Variants in ARHGAP10 observed in about 807,000 individuals in gnomAD.
ARHGAP10 encodes rho GTPase-activating protein 10.
A neutral mutation model predicts 108.6 loss-of-function variants in ARHGAP10; 87 were observed. That is an observed-to-expected ratio of 0.80 (90% CI 0.67 to 0.96). The LOEUF is 0.96. ARHGAP10 is among the 40% of genes least tolerant of loss of function. The pLI is 0.00. For synonymous variants in ARHGAP10, 347 were observed against 341.1 expected (o/e 1.02, Z -0.19); for missense variants, 939 against 954.5 (o/e 0.98, Z 0.21).
At chr4:147,763,474 G>T (rs1729668914) in intron 1 of ARHGAP10, among the ~76,000 whole-genome samples, 2 of 152,016 alleles carry the variant, frequency 1.3e-5, no homozygotes, top group Admixed American at 1.3e-4. Flanking sequence ...ACCATACCCA[G>T]CTAATTTTTG....
chr4:148,006,042 C>G (rs181574567), intron 18 of ARHGAP10, among the ~76,000 whole-genome samples: 1 of 152,174 alleles, frequency 6.6e-6, no homozygotes, highest in Non-Finnish European at 1.5e-5. Context: ...GAGTAGAACT[C>G]GAGACTGTTT....
chr4:147,768,557 C>T (rs1414688577), intron 1 of ARHGAP10, among the ~76,000 whole-genome samples: 7 of 151,676 alleles, frequency 4.6e-5, no homozygotes, highest in African/African-American at 9.7e-5. Context: ...ACTAAATTTT[C>T]TCTGAAGCCA....
chr4:147,893,424 T>C (rs1735865824), intron 10 of ARHGAP10, among the ~76,000 whole-genome samples: 2 of 148,260 alleles, frequency 1.3e-5, no homozygotes, highest in Admixed American at 6.8e-5. Flanking sequence ...TATTGAAATA[T>C]ATATATTTCA....
At chr4:147,808,266 G>A (rs1249679108) in intron 1 of ARHGAP10, among the ~76,000 whole-genome samples, 1 of 151,920 alleles carries the variant, frequency 6.6e-6, no homozygotes, top group Non-Finnish European at 1.5e-5. Flanking sequence ...TGAGAGAAGT[G>A]CATTCTAGGA....
At position 147,990,859 on chromosome 4, in the gene ARHGAP10, C is replaced by T. The variant is rs115720924; in HGVS notation, c.1716+24020C>T. ...GTGAAACCCTGTCTCTACAAAAATACAGAAAAACGGGCCTGGTGTTGTGGT... is the reference window on the plus strand; with the variant it reads ...GTGAAACCCTGTCTCTACAAAAATATAGAAAAACGGGCCTGGTGTTGTGGT... On this transcript the variant is annotated intron_variant, in intron 18 of 22. Coordinates refer to ENST00000336498, the MANE Select transcript of ARHGAP10 (RefSeq NM_024605.4). Among the ~76,000 whole-genome samples, 468 of 152,034 alleles carry T rather than the reference C, an allele frequency of 3.1e-3. 1 individual carries two copies. The highest frequency in any genetic ancestry group is 0.01 in the African/African-American group (435 of 41,484).
chr4:147,994,139 AAAAC>A (rs769800185), intron 18 of ARHGAP10, among the ~76,000 whole-genome samples: 4 of 152,238 alleles, frequency 2.6e-5, no homozygotes, highest in Non-Finnish European at 5.9e-5. Flanking sequence ...TGTCCCAAGA[AAAAC>A]AAGGCTGTAT....
intron 18 of ARHGAP10, among the ~76,000 whole-genome samples, chr4:147,978,560 C>T (rs1016764639): frequency 6.6e-6 from 1 of 152,082 alleles, no homozygotes; most frequent in Admixed American, 6.6e-5. Context: ...GGCACTTCCC[C>T]CCTTGCTTGC....
chr4:147,781,037 G>T (rs1316290880), intron 1 of ARHGAP10, among the ~76,000 whole-genome samples: 1 of 152,126 alleles, frequency 6.6e-6, no homozygotes, highest in East Asian at 1.9e-4. Context: ...TATAGATTTA[G>T]GGAGTAACTG....
At chr4:147,876,372 C>T (rs1735057474) in intron 8 of ARHGAP10, among the ~76,000 whole-genome samples, 1 of 152,164 alleles carries the variant, frequency 6.6e-6, no homozygotes, top group African/African-American at 2.4e-5. Flanking sequence ...GTGGGCAGAT[C>T]ACGAGGTCAG....
intron 10 of ARHGAP10, among the ~76,000 whole-genome samples, chr4:147,906,267 A>G (rs1397903418): frequency 6.6e-6 from 1 of 152,232 alleles, no homozygotes; most frequent in Non-Finnish European, 1.5e-5. Flanking sequence ...ACAACAGGCA[A>G]AAAGGTGGAA....
intron 7 of ARHGAP10, among the ~76,000 whole-genome samples, chr4:147,871,590 A>G (rs1734824839): frequency 6.6e-6 from 1 of 152,242 alleles, no homozygotes; most frequent in African/African-American, 2.4e-5. Flanking sequence ...GAAAGATAGC[A>G]TTAGACAGTG....
At chr4:147,965,658 C>G (rs1739177398) in intron 17 of ARHGAP10, among the ~76,000 whole-genome samples, 2 of 152,124 alleles carry the variant, frequency 1.3e-5, no homozygotes, top group African/African-American at 4.8e-5. Flanking sequence ...TAGAACCTTT[C>G]TTTTACATAT....
Position 148,008,518 on chromosome 4 carries a change from G to A in ARHGAP10, c.1717-14745G>A, listed in dbSNP as rs140993287. Among the ~76,000 whole-genome samples the A allele has an allele frequency of 7.0e-3, 1,056 of 151,388 alleles. 16 individuals carry two copies. The highest frequency in any genetic ancestry group is 0.024 in the African/African-American group (985 of 41,174). On this transcript the variant is annotated intron_variant, in intron 18 of 22. Coordinates refer to ENST00000336498, the MANE Select transcript of ARHGAP10 (RefSeq NM_024605.4). ...ATGTATCTAGTAGGTAGAGGCCGGG[G>A]TGATGTTGAACATCTTACAGTGCAC...
intron 1 of ARHGAP10, among the ~76,000 whole-genome samples, chr4:147,759,009 A>AT (rs944856213): frequency 6.7e-6 from 1 of 149,618 alleles, no homozygotes; most frequent in Non-Finnish European, 1.5e-5. Flanking sequence ...CAGGTGGTAT[A>AT]TTTTTTATGC....
At chr4:147,870,394 T>C (rs1734767742) in intron 7 of ARHGAP10, among the ~76,000 whole-genome samples, 1 of 152,178 alleles carries the variant, frequency 6.6e-6, no homozygotes, top group African/African-American at 2.4e-5. Flanking sequence ...TAATCAAATG[T>C]TAACTGCCTC....
intron 1 of ARHGAP10, among the ~76,000 whole-genome samples, chr4:147,761,422 T>C (rs1437258027): frequency 6.6e-6 from 1 of 152,238 alleles, no homozygotes; most frequent in Non-Finnish European, 1.5e-5. Flanking sequence ...GTTCTGTGTA[T>C]GTTTCACATT....
At chr4:148,070,828 G>A (rs1375772759) in intron 22 of ARHGAP10, among the ~76,000 whole-genome samples, 1 of 152,162 alleles carries the variant, frequency 6.6e-6, no homozygotes, top group Non-Finnish European at 1.5e-5. Context: ...TGCCACGCCT[G>A]CACCTGACCA....
At chr4:148,070,053 T>C (rs1395060080) in intron 22 of ARHGAP10, among the ~76,000 whole-genome samples, 1 of 152,240 alleles carries the variant, frequency 6.6e-6, no homozygotes, top group East Asian at 1.9e-4. Flanking sequence ...ACTCAGTCAT[T>C]ACACAGATAA....
At chr4:147,856,537 C>T (rs1560793043) in intron 4 of ARHGAP10, among the ~76,000 whole-genome samples, 1 of 152,176 alleles carries the variant, frequency 6.6e-6, no homozygotes, top group Admixed American at 6.5e-5. Flanking sequence ...GTTCAGTGTA[C>T]ATAAGCTTTA....
Sources: allele counts gnomAD v4.1 joint callset (sites outside exome capture counted in the v4.1 genomes callset), GRCh38; gene constraint gnomAD v4.1.1; transcripts MANE v1.5; gene names NCBI Gene and HGNC (gene_info 2026-07-23, HGNC 2026-07-21).